The following TMEM132D variants were observed in gnomAD, a reference collection of about 807,000 sequenced individuals.
TMEM132D encodes transmembrane protein 132D, also known as mature OL transmembrane protein.
In TMEM132D, 21 loss-of-function variants were observed where a neutral mutation model predicts 62.3. That is an observed-to-expected ratio of 0.34 (90% CI 0.24 to 0.49). The LOEUF (loss-of-function observed/expected upper bound fraction) is 0.49, where lower values mean the gene tolerates loss of function less well. TMEM132D is among the 20% of genes least tolerant of loss of function. The pLI is 0.99. For missense variants in TMEM132D, 1,346 were observed against 1,402.8 expected, an observed-to-expected ratio of 0.96 and a Z score of 0.65; for synonymous variants, 621 against 575.6, an observed-to-expected ratio of 1.08 and a Z score of -1.13.
At chr12:129,836,419 T>C (rs1161260495) in intron 1 of TMEM132D, among the ~76,000 whole-genome samples, 1 of 152,088 alleles carries the variant, frequency 6.6e-6, no homozygotes, top group Admixed American at 6.6e-5. Context: ...GTGTTTCCTA[T>C]GATCAGCAGA....
At chr12:129,582,830 G>A (rs900047595) in intron 2 of TMEM132D, among the ~76,000 whole-genome samples, 4 of 152,074 alleles carry the variant, frequency 2.6e-5, no homozygotes, top group African/African-American at 9.7e-5. Context: ...TCACCATGTT[G>A]GCCAGGCTGG....
At chr12:129,547,062 G>T (rs1183823533) in intron 2 of TMEM132D, among the ~76,000 whole-genome samples, 1 of 152,114 alleles carries the variant, frequency 6.6e-6, no homozygotes, top group Non-Finnish European at 1.5e-5. Flanking sequence ...GAAATCACTA[G>T]CTCTCAAGGC....
At chr12:129,892,464 T>G (rs1466234097) in intron 1 of TMEM132D, among the ~76,000 whole-genome samples, 1 of 152,160 alleles carries the variant, frequency 6.6e-6, no homozygotes, top group Non-Finnish European at 1.5e-5. Flanking sequence ...TTGATCTGAG[T>G]GAACAGATGG....
chr12:129,237,197 G>GTAGT (rs1219296342), intron 4 of TMEM132D, among the ~76,000 whole-genome samples: 1 of 152,050 alleles, frequency 6.6e-6, no homozygotes, highest in African/African-American at 2.4e-5. Context: ...TTTGCTTGTA[G>GTAGT]TAGTTACCTC....
At chr12:129,756,310 G>T (rs759259849) in intron 1 of TMEM132D, among the ~76,000 whole-genome samples, 1 of 152,094 alleles carries the variant, frequency 6.6e-6, no homozygotes, top group Non-Finnish European at 1.5e-5. Context: ...AACAAACTCT[G>T]AATCAGGCAT....
chr12:129,562,943 A>C (rs1396568933), intron 2 of TMEM132D, among the ~76,000 whole-genome samples: 1 of 152,200 alleles, frequency 6.6e-6, no homozygotes, highest in Non-Finnish European at 1.5e-5. Context: ...TCTGTAGATA[A>C]TTCTATTACG....
At chr12:129,414,640 T>C (rs1173331031) in intron 3 of TMEM132D, among the ~76,000 whole-genome samples, 1 of 152,214 alleles carries the variant, frequency 6.6e-6, no homozygotes, top group Non-Finnish European at 1.5e-5. Flanking sequence ...TAGTTACCAT[T>C]TTTCTTTTGG....
intron 3 of TMEM132D, among the ~76,000 whole-genome samples, chr12:129,395,763 T>C (rs1421371053): frequency 1.3e-5 from 2 of 148,768 alleles, no homozygotes; most frequent in East Asian, 2.0e-4. Context: ...AGATAAAATA[T>C]ATATCTATAT....
chr12:129,151,006 G>A (rs1436058313), intron 5 of TMEM132D, among the ~76,000 whole-genome samples: 1 of 152,142 alleles, frequency 6.6e-6, no homozygotes, highest in African/African-American at 2.4e-5. Context: ...TCTGTCCCCT[G>A]GAGGATCCCA....
intron 5 of TMEM132D, among the ~76,000 whole-genome samples, chr12:129,189,792 G>A (rs1174261001): frequency 6.6e-6 from 1 of 152,158 alleles, no homozygotes; most frequent in Non-Finnish European, 1.5e-5. Context: ...GTCAAGCTTG[G>A]CAAAGACGTC....
intron 2 of TMEM132D, among the ~76,000 whole-genome samples, chr12:129,693,049 A>G (rs1881101623): frequency 6.6e-6 from 1 of 152,210 alleles, no homozygotes; most frequent in African/African-American, 2.4e-5. Flanking sequence ...TTGATAAAGA[A>G]AAAACTCTTA....
intron 2 of TMEM132D, among the ~76,000 whole-genome samples, chr12:129,532,739 G>T (rs971309847): frequency 1.8e-4 from 27 of 152,160 alleles, no homozygotes; most frequent in African/African-American, 6.0e-4. Context: ...ATTTTGGTAC[G>T]TGCCAGGCAG....
chr12:129,286,006 C>T (rs1416419759), intron 4 of TMEM132D, among the ~76,000 whole-genome samples: 1 of 152,130 alleles, frequency 6.6e-6, no homozygotes, highest in Non-Finnish European at 1.5e-5. Context: ...CTATTAAATC[C>T]ATGATTTTCT....
chr12:129,582,019 A>G (rs1197952892), intron 2 of TMEM132D, among the ~76,000 whole-genome samples: 1 of 152,238 alleles, frequency 6.6e-6, no homozygotes, highest in Non-Finnish European at 1.5e-5. Flanking sequence ...TCAATGAGAT[A>G]CAGCAGGTAC....
intron 3 of TMEM132D, among the ~76,000 whole-genome samples, chr12:129,466,255 A>G (rs914472307): frequency 2.1e-5 from 3 of 145,452 alleles, no homozygotes; most frequent in African/African-American, 5.1e-5. Flanking sequence ...GAGAACTGGT[A>G]TAACAGTGGC....
At chr12:129,798,162 G>C (rs1299357123) in intron 1 of TMEM132D, among the ~76,000 whole-genome samples, 1 of 152,198 alleles carries the variant, frequency 6.6e-6, no homozygotes, top group African/African-American at 2.4e-5. Context: ...AAGCTGAGCA[G>C]ATGCCAGCAC....
intron 4 of TMEM132D, among the ~76,000 whole-genome samples, chr12:129,227,078 G>C (rs1336395350): frequency 6.6e-6 from 1 of 151,938 alleles, no homozygotes; most frequent in African/African-American, 2.4e-5. Context: ...TCCCCTCAAG[G>C]AGGAATTTCT....
At chr12:129,836,468 G>GGATT (rs1873007569) in intron 1 of TMEM132D, among the ~76,000 whole-genome samples, 1 of 151,866 alleles carries the variant, frequency 6.6e-6, no homozygotes, top group Admixed American at 6.6e-5. Flanking sequence ...ATAACTAAGT[G>GGATT]GATTGCTTGT....
chr12:129,485,991 A>T (rs899796714), intron 3 of TMEM132D, among the ~76,000 whole-genome samples: 1 of 152,212 alleles, frequency 6.6e-6, no homozygotes, highest in Non-Finnish European at 1.5e-5. Flanking sequence ...ACCCAGCCTG[A>T]TGTCCAACAG....
Sources: allele counts gnomAD v4.1 joint callset (sites outside exome capture counted in the v4.1 genomes callset), GRCh38; gene constraint gnomAD v4.1.1; transcripts MANE v1.5; gene names NCBI Gene and HGNC (gene_info 2026-07-23, HGNC 2026-07-21).